QTMAN: variants seen among roughly 807,000 people sequenced by gnomAD.
QTMAN encodes the protein tRNA-queuosine alpha-mannosyltransferase.
chr2:144,016,678 G>C, the QTMAN span, among the ~76,000 whole-genome samples: 1 of 152,170 alleles, frequency 6.6e-6, no homozygotes, highest in Admixed American at 6.5e-5. Flanking sequence ...ATGGGAAAAC[G>C]TACTGCTGTT....
At chr2:144,259,471 T>C in the QTMAN span, among the ~76,000 whole-genome samples, 1 of 152,148 alleles carries the variant, frequency 6.6e-6, no homozygotes, top group Non-Finnish European at 1.5e-5. Flanking sequence ...ATCTCTGCTT[T>C]TATGAAGCCA....
chr2:144,241,780 A>T, the QTMAN span, among the ~76,000 whole-genome samples: 12 of 152,136 alleles, frequency 7.9e-5, no homozygotes, highest in Non-Finnish European at 1.5e-4. Context: ...AAGTGTGTAC[A>T]GTATTTACTA....
At chr2:144,027,763 G>T in the QTMAN span, among the ~76,000 whole-genome samples, 1 of 152,196 alleles carries the variant, frequency 6.6e-6, no homozygotes, top group Admixed American at 6.5e-5. Flanking sequence ...AGGTAATCCA[G>T]TTACTCCTGC....
the QTMAN span, among the ~76,000 whole-genome samples, chr2:144,269,440 AT>A: frequency 1.2e-4 from 18 of 152,216 alleles, no homozygotes; most frequent in African/African-American, 4.3e-4. Context: ...GATATCGTTA[AT>A]TTTTAACTTT....
the QTMAN span, among the ~76,000 whole-genome samples, chr2:144,057,234 A>G: frequency 0.064 from 9,734 of 152,320 alleles, 435 homozygotes; most frequent in Non-Finnish European, 0.095. Context: ...ATAATAAATT[A>G]TAAAACTCAC....
chr2:144,259,369 G>C, the QTMAN span, among the ~76,000 whole-genome samples: 1 of 152,088 alleles, frequency 6.6e-6, no homozygotes, highest in Non-Finnish European at 1.5e-5. Flanking sequence ...ATGTTAGCCA[G>C]GCTGGTCTCA....
At chr2:144,137,040 G>C in the QTMAN span, among the ~76,000 whole-genome samples, 1 of 152,110 alleles carries the variant, frequency 6.6e-6, no homozygotes, top group South Asian at 2.1e-4. Flanking sequence ...TTAATAACAT[G>C]TCTCCTGGTC....
At chr2:144,013,224 A>G in the QTMAN span, among the ~76,000 whole-genome samples, 1 of 152,176 alleles carries the variant, frequency 6.6e-6, no homozygotes, top group Admixed American at 6.5e-5. Context: ...GTAAGTACCT[A>G]TTGAGTACCT....
At chr2:143,977,486 CAGAG>C in the QTMAN span, among the ~76,000 whole-genome samples, 1 of 152,110 alleles carries the variant, frequency 6.6e-6, no homozygotes, top group African/African-American at 2.4e-5. Context: ...CACGACTCCA[CAGAG>C]TGAATGTCTG....
chr2:144,328,236 C>G, the QTMAN span, among the ~76,000 whole-genome samples: 1 of 152,166 alleles, frequency 6.6e-6, no homozygotes, highest in African/African-American at 2.4e-5. Flanking sequence ...CAAGCATGAG[C>G]CACCACATCT....
At chr2:144,096,948 C>T in the QTMAN span, among the ~76,000 whole-genome samples, 2 of 152,156 alleles carry the variant, frequency 1.3e-5, no homozygotes, top group East Asian at 1.9e-4. Flanking sequence ...AGAGAATAAA[C>T]GAATTCAAAA....
the QTMAN span, among the ~76,000 whole-genome samples, chr2:144,144,994 A>C: frequency 1.8e-4 from 27 of 151,592 alleles, no homozygotes; most frequent in Non-Finnish European, 3.7e-4. Context: ...GAGGACCATC[A>C]CCTTTAAAAT....
At chr2:144,331,417 C>CA in the QTMAN span, among the ~76,000 whole-genome samples, 5 of 151,170 alleles carry the variant, frequency 3.3e-5, no homozygotes, top group African/African-American at 4.9e-5. Flanking sequence ...GGGTAGGCAC[C>CA]AAATAACCAA....
At chr2:144,183,497 G>A in the QTMAN span, among the ~76,000 whole-genome samples, 1 of 152,002 alleles carries the variant, frequency 6.6e-6, no homozygotes, top group East Asian at 1.9e-4. Context: ...TCTTTTACAG[G>A]ACAAGGGGAC....
At chr2:144,036,848 A>G in the QTMAN span, among the ~76,000 whole-genome samples, 2 of 152,230 alleles carry the variant, frequency 1.3e-5, no homozygotes, top group Non-Finnish European at 2.9e-5. Flanking sequence ...TGTTCAATAA[A>G]TAGTCTGAAG....
the QTMAN span, among the ~76,000 whole-genome samples, chr2:144,305,562 A>C: frequency 6.6e-6 from 1 of 152,116 alleles, no homozygotes; most frequent in African/African-American, 2.4e-5. Flanking sequence ...GTTCTTTTTC[A>C]AAGCTGTTTT....
the QTMAN span, among the ~76,000 whole-genome samples, chr2:144,079,989 C>T: frequency 1.1e-4 from 17 of 152,028 alleles, no homozygotes; most frequent in African/African-American, 3.9e-4. Context: ...GTGCATCACT[C>T]TTTCTCAATT....
the QTMAN span, among the ~76,000 whole-genome samples, chr2:143,975,759 A>T: frequency 2.6e-4 from 39 of 152,298 alleles, no homozygotes; most frequent in African/African-American, 8.4e-4. Flanking sequence ...AGAGTGATGC[A>T]GTCTGGGTTG....
At chr2:144,213,027 G>C in the QTMAN span, among the ~76,000 whole-genome samples, 1 of 152,132 alleles carries the variant, frequency 6.6e-6, no homozygotes, top group South Asian at 2.1e-4. Flanking sequence ...ATAATCGAAA[G>C]GGGATACAAT....
Sources: gnomAD v4.1 joint callset for allele counts (sites outside exome capture counted in the v4.1 genomes callset) on GRCh38, gnomAD v4.1.1 for gene constraint, MANE v1.5 for transcripts, NCBI Gene and HGNC (gene_info 2026-07-23, HGNC 2026-07-21) for gene names.